Variants in COL4A3 observed in about 807,000 individuals in gnomAD.
COL4A3 encodes collagen alpha-3(IV) chain.
Under a neutral mutation model 217.4 loss-of-function variants are expected in COL4A3, and 135 were observed. The ratio of observed to expected loss-of-function variants is 0.62; its 90% CI spans 0.54 to 0.72. The LOEUF (loss-of-function observed/expected upper bound fraction) is 0.72. Among genes scored for constraint, COL4A3 ranks in the 30% least tolerant of loss-of-function variants. The probability of loss-of-function intolerance (pLI) is 0.00; values close to 1 mark genes in which losing one functional copy is unlikely to be tolerated. For missense variants in COL4A3, 1,868 were observed against 2,119.9 expected, an observed-to-expected ratio of 0.88 and a Z score of 2.33; for synonymous variants, 690 against 736.3, an observed-to-expected ratio of 0.94 and a Z score of 1.02.
At chr2:227,208,977 G>C (rs2067210374) in intron 1 of COL4A3, among the ~76,000 whole-genome samples, 1 of 152,154 alleles carries the variant, frequency 6.6e-6, no homozygotes, top group African/African-American at 2.4e-5. Context: ...AAGGAAGAAA[G>C]AACAGGAAGA....
At chr2:227,208,904 T>G (rs1181550636) in intron 1 of COL4A3, among the ~76,000 whole-genome samples, 1 of 152,000 alleles carries the variant, frequency 6.6e-6, no homozygotes. Context: ...TGCAAATATT[T>G]CAAATATGTT....
At chr2:227,305,353 G>GC in intron 47 of COL4A3, 1 of 410,926 alleles carries the variant, frequency 2.4e-6, no homozygotes, top group Non-Finnish European at 4.6e-6. Flanking sequence ...AGTCCTATGG[G>GC]TGTTCTTTCA....
intron 1 of COL4A3, among the ~76,000 whole-genome samples, chr2:227,189,801 C>A (rs940063301): frequency 1.2e-4 from 18 of 152,142 alleles, no homozygotes; most frequent in African/African-American, 4.1e-4. Context: ...AAGATATCAT[C>A]AAAGACCAGG....
intron 23 of COL4A3, among the ~76,000 whole-genome samples, chr2:227,269,596 GTCTCT>G (rs2071115014): frequency 1.3e-5 from 2 of 152,094 alleles, no homozygotes; most frequent in South Asian, 4.1e-4. Flanking sequence ...GTGATTTTTA[GTCTCT>G]TCTTTCTGCA....
rs749696026 is a variant in COL4A3 at position 227,245,971 on chromosome 2, C to A, written c.342C>A (p.Thr114=). ...TCTTCCAGGGCACCCCAGGCAATACCGGGCCTTACGGACTTGTCGGTGTAC... is the reference window on the plus strand; with the variant it reads ...TCTTCCAGGGCACCCCAGGCAATACAGGGCCTTACGGACTTGTCGGTGTAC... ...SPGLPGTPGN[T]GPYGLVGVPG... Residue 114 remains threonine (T), a synonymous_variant, in exon 6 of 52, where the codon ACC becomes ACA. Transcript: ENST00000396578. 4 of 1,613,858 alleles carry A rather than the reference C, an allele frequency of 2.5e-6. No homozygotes were observed. The African/African-American group carries it at 5.3e-5, about 22-fold the overall frequency.
At position 227,203,390 on chromosome 2, in the gene COL4A3, T is replaced by TATATATAC. The variant is rs1250845713; in HGVS notation, c.88-34572_88-34571insACATATAT. ...ATATGTGTATACATACATATATGTG[T>TATATATAC]ATATATGTGTATACATACATATATG... is the stretch of plus-strand genomic sequence containing the variant. On this transcript the variant is annotated intron_variant, in intron 1 of 51. Transcript: ENST00000396578. 2.1e-4 allele frequency among the ~76,000 whole-genome samples: 13 copies of TATATATAC among 62,082 alleles called. 5 individuals carry two copies. Among genetic ancestry groups the TATATATAC allele is most frequent in the Non-Finnish European group, 4.0e-4 (13 of 32,602 alleles). The allele number at this position is 62,082 out of a possible 152,430, so 40.7% of individuals were successfully genotyped here.
In COL4A3 at chr2:227,282,127, C is replaced by T. The variant is rs777946331; in HGVS notation, c.2489-238C>T. ...TCTCTATTAAAAATACAAAACTTAG[C>T]TATGCATTATGGTGCACGCCTGTAG... On this transcript the variant is annotated intron_variant, in intron 31 of 51. Transcript: ENST00000396578. The surrounding 1 kb of genome is among the most constrained non-coding windows in gnomAD (Gnocchi z 4.4). Among the ~76,000 whole-genome samples the T allele has an allele frequency of 4.6e-5, 7 of 151,926 alleles. No individual in the cohort carries two copies. The highest frequency in any genetic ancestry group is 1.0e-4 in the Non-Finnish European group (7 of 67,992).
At position 227,252,997 on chromosome 2, in the gene COL4A3, C is replaced by T. The variant is rs527264768; in HGVS notation, c.646-299C>T. 3.2e-4 allele frequency among the ~76,000 whole-genome samples: 48 copies of T among 152,286 alleles called. No homozygotes were observed. The South Asian group carries it at 7.9e-3, about 25-fold the overall frequency. Reference sequence around the variant, plus strand: ...AAGTAGCCGGCCAGTGGGATTAAAACTAGCTAATGCAGAGCCAGAAAAATA... The same window carrying T: ...AAGTAGCCGGCCAGTGGGATTAAAATTAGCTAATGCAGAGCCAGAAAAATA... On this transcript the variant is annotated intron_variant, in intron 11 of 51. Coordinates refer to ENST00000396578, the MANE Select transcript of COL4A3 (RefSeq NM_000091.5).
chr2:227,236,758 C>G (rs36053744), intron 1 of COL4A3, among the ~76,000 whole-genome samples: 28,049 of 151,358 alleles, frequency 0.19, 2,749 homozygotes, highest in Middle Eastern at 0.26. Context: ...CTCCTGGGTT[C>G]AAGCCATTCT....
chr2:227,309,212 T>G lies in COL4A3; in HGVS notation c.4649T>G (p.Val1550Gly), dbSNP rs200655479. 38 of 1,614,160 alleles carry G rather than the reference T, an allele frequency of 2.4e-5. No individual in the cohort carries two copies. In the Admixed American group the frequency reaches 4.7e-4, roughly 20 times the overall value. Residue 1550 changes from valine to glycine, a missense_variant, in exon 50 of 52, where the codon GTT (valine) becomes GGT (glycine). Physicochemically the swap from Val to Gly is moderately radical, Grantham distance 109. Coordinates refer to ENST00000396578, the MANE Select transcript of COL4A3 (RefSeq NM_000091.5). ...ALEPYISRCT[V>G]CEGPAIAIAV... ...TTTGTTTCATGTTACAGATGCACTGTTTGTGAAGGTCCTGCGATCGCCATA... is the reference window on the plus strand; with the variant it reads ...TTTGTTTCATGTTACAGATGCACTGGTTGTGAAGGTCCTGCGATCGCCATA...
At chr2:227,195,006 A>G (rs942419266) in intron 1 of COL4A3, among the ~76,000 whole-genome samples, 7 of 152,172 alleles carry the variant, frequency 4.6e-5, no homozygotes, top group African/African-American at 7.2e-5. Context: ...AAATAAACCA[A>G]TAATCTTGGG....
intron 41 of COL4A3, among the ~76,000 whole-genome samples, chr2:227,295,991 CA>C (rs1225082083): frequency 6.6e-6 from 1 of 152,200 alleles, no homozygotes; most frequent in East Asian, 1.9e-4. Context: ...CCGTCTCAGC[CA>C]CGCGTCCTAT....
At chr2:227,213,751 A>G (rs2067413861) in intron 1 of COL4A3, among the ~76,000 whole-genome samples, 2 of 151,922 alleles carry the variant, frequency 1.3e-5, no homozygotes, top group Admixed American at 1.3e-4. Flanking sequence ...AAAATACAAA[A>G]ATTAGCCAGG....
At chr2:227,277,194 C>T (rs2071621419) in intron 27 of COL4A3, among the ~76,000 whole-genome samples, 1 of 151,950 alleles carries the variant, frequency 6.6e-6, no homozygotes, top group African/African-American at 2.4e-5. Context: ...TGGCGGGCAC[C>T]TGTGGTCCCA....
chr2:227,289,797 G>A (rs139713794), intron 35 of COL4A3, among the ~76,000 whole-genome samples: 20 of 152,124 alleles, frequency 1.3e-4, no homozygotes, highest in Admixed American at 3.3e-4. Flanking sequence ...GTCTGCTAAC[G>A]AGAATCTAAC....
At chr2:227,256,238 C>A in intron 16 of COL4A3, 105 bp from the exon 17 acceptor site, 1 of 1,176,058 alleles carries the variant, frequency 8.5e-7, no homozygotes, top group Non-Finnish European at 1.3e-6. Context: ...GAGAGATCAT[C>A]TGAGCACATT....
intron 8 of COL4A3, among the ~76,000 whole-genome samples, chr2:227,248,113 T>G (rs1175233205): frequency 6.6e-6 from 1 of 152,154 alleles, no homozygotes; most frequent in Non-Finnish European, 1.5e-5. Context: ...CTAATTCTTG[T>G]ATTTTTAGTA....
At chr2:227,211,818 C>T (rs1487547619) in intron 1 of COL4A3, among the ~76,000 whole-genome samples, 1 of 152,018 alleles carries the variant, frequency 6.6e-6, no homozygotes, top group Non-Finnish European at 1.5e-5. Context: ...CCACCACGCC[C>T]ACCTAATTTT....
chr2:227,311,315 T>C (rs1271375919), intron 51 of COL4A3, among the ~76,000 whole-genome samples: 2 of 152,134 alleles, frequency 1.3e-5, no homozygotes, highest in Middle Eastern at 3.2e-3. Context: ...CCACCATATA[T>C]ACCTTTTCAG....
Sources: allele counts gnomAD v4.1 joint callset (sites outside exome capture counted in the v4.1 genomes callset), GRCh38; gene constraint gnomAD v4.1.1; non-coding constraint Gnocchi (gnomAD v3.1); transcripts MANE v1.5; gene names NCBI Gene and HGNC (gene_info 2026-07-23, HGNC 2026-07-21).